Variants in ZNF445 observed in about 807,000 individuals in gnomAD.
ZNF445 encodes zinc finger protein 445.
Under a neutral mutation model 93.9 loss-of-function variants are expected in ZNF445, and 19 were observed. That is an observed-to-expected ratio of 0.20 (90% CI 0.14 to 0.30). The LOEUF (loss-of-function observed/expected upper bound fraction) is 0.30, where lower values mean the gene tolerates loss of function less well. ZNF445 is among the 10% of genes least tolerant of loss of function. ZNF445 has a pLI of 1.00. For synonymous variants in ZNF445, 449 were observed against 446.3 expected (o/e 1.01, Z -0.08); for missense variants, 1,058 against 1,259.4 (o/e 0.84, Z 2.42).
intron 1 of ZNF445, among the ~76,000 whole-genome samples, chr3:44,469,468 TCAGAAA>T (rs1168430267): frequency 1.3e-5 from 2 of 152,004 alleles, no homozygotes. Context: ...ATTCATGCAC[TCAGAAA>T]CAGAACAAAG....
chr3:44,451,499 G>C lies in ZNF445; in HGVS notation c.430-17C>G. On this transcript the variant is annotated splice_polypyrimidine_tract_variant and intron_variant, in intron 3 of 7. Transcript: ENST00000396077. ...GCCCGGGTCCTGGCAAGAAGAAAATGTTGTGAGAGGATCTTTCTGGGAATC... is the reference window on the plus strand; with the variant it reads ...GCCCGGGTCCTGGCAAGAAGAAAATCTTGTGAGAGGATCTTTCTGGGAATC... The C allele has an allele frequency of 1.9e-6, 3 of 1,588,812 alleles. No individual in the cohort carries two copies. Among genetic ancestry groups the C allele is most frequent in the Non-Finnish European group, 2.6e-6 (3 of 1,161,936 alleles).
At chr3:44,453,286 T>C (rs1697981104) in intron 3 of ZNF445, among the ~76,000 whole-genome samples, 1 of 151,940 alleles carries the variant, frequency 6.6e-6, no homozygotes, top group South Asian at 2.1e-4. Flanking sequence ...TATGTCTATA[T>C]ATGTTTTTTT....
At chr3:44,450,679 G>C in intron 5 of ZNF445, 106 bp from the exon 6 acceptor site, 1 of 1,475,546 alleles carries the variant, frequency 6.8e-7, no homozygotes, top group Non-Finnish European at 9.1e-7. Flanking sequence ...GATGGACCTG[G>C]CAAAGGTGAA....
intron 6 of ZNF445, chr3:44,450,198 C>T (rs931610381): frequency 2.7e-5 from 13 of 481,518 alleles, no homozygotes; most frequent in East Asian, 1.2e-4. Context: ...CTGGGCCTCC[C>T]GAAGTGGTGG....
In ZNF445 at chr3:44,448,348, A is replaced by T; in HGVS notation, c.1323T>A (p.Ile441=). 6.2e-7 allele frequency: 1 copy of T among 1,614,148 alleles called. No individual in the cohort carries two copies. Among genetic ancestry groups the T allele is most frequent in the Non-Finnish European group, 8.5e-7 (1 of 1,180,014 alleles). The change falls in exon 8 of 8, where the codon ATT becomes ATA. Residue 441 remains isoleucine (I), a synonymous_variant. Coordinates refer to ENST00000396077, the MANE Select transcript of ZNF445 (RefSeq NM_181489.6). ...KKYGKGLRHM[I]GGFSLHQRIH... is the part of the protein sequence containing the mutation. Reference sequence around the variant, plus strand: ...TTCTCTGATGTAGGCTGAAGCCCCCAATCATGTGTCTGAGCCCCTTCCCAT... The same window carrying T: ...TTCTCTGATGTAGGCTGAAGCCCCCTATCATGTGTCTGAGCCCCTTCCCAT...
At chr3:44,455,752 T>C (rs1260557354) in intron 2 of ZNF445, 56 bp from the exon 3 acceptor site, 6 of 557,190 alleles carry the variant, frequency 1.1e-5, no homozygotes, top group Non-Finnish European at 1.6e-5. Flanking sequence ...AGTTGGATTC[T>C]GCTGGTTGGG....
intron 2 of ZNF445, among the ~76,000 whole-genome samples, chr3:44,457,624 A>G (rs1698048793): frequency 6.6e-6 from 1 of 152,146 alleles, no homozygotes; most frequent in Non-Finnish European, 1.5e-5. Flanking sequence ...TCTTCTCACC[A>G]AATGTTGCTG....
intron 1 of ZNF445, among the ~76,000 whole-genome samples, chr3:44,471,143 ACT>A (rs142493516): frequency 0.011 from 1,731 of 152,254 alleles, 28 homozygotes; most frequent in African/African-American, 0.038. Context: ...GGATCAGCTG[ACT>A]CTGTACAGAT....
chr3:44,456,593 T>C (rs912086868), intron 2 of ZNF445, among the ~76,000 whole-genome samples: 7 of 152,134 alleles, frequency 4.6e-5, no homozygotes, highest in African/African-American at 1.7e-4. Context: ...TGGAATAAAA[T>C]AGAAAAACCA....
Position 44,448,368 on chromosome 3 carries a change from T to G in ZNF445, c.1303A>C (p.Lys435Gln). 6.2e-7 allele frequency: 1 copy of G among 1,614,216 alleles called. No individual in the cohort carries two copies. Among genetic ancestry groups the G allele is most frequent in the Non-Finnish European group, 8.5e-7 (1 of 1,180,034 alleles). Residue 435 changes from lysine (K) to glutamine (Q), a missense_variant, in exon 8 of 8, where the codon AAG becomes CAG. Coordinates refer to ENST00000396077, the MANE Select transcript of ZNF445 (RefSeq NM_181489.6). ...CCCCCAATCATGTGTCTGAGCCCCT[T>G]CCCATATTTCTTGTAGTCATAGTGG... Reference protein sequence around the residue: ...SHHYDYKKYGKGLRHMIGGFS... With the variant: ...SHHYDYKKYGQGLRHMIGGFS...
Position 44,433,059 on chromosome 3 carries a change from C to T in ZNF445, c.*13516G>A, listed in dbSNP as rs66922431. On this transcript the variant is annotated 3_prime_UTR_variant, in exon 8 of 8. Transcript: ENST00000396077. ...AACAAGGAGACGGGAAACTGAAGTA[C>T]CACAGGAAGGAGATACTCTCCATCT... 0.21 allele frequency: 32,050 copies of T among 151,936 alleles called. 3,525 individuals carry two copies. Among genetic ancestry groups the T allele is most frequent in the Middle Eastern group, 0.37 (108 of 292 alleles). 9.4% of individuals were successfully genotyped at this position (151,936 alleles called of 1,614,324 possible). A position where few individuals can be genotyped will look rare whatever the true frequency, so the allele number is the denominator to read the frequency against.
chr3:44,465,603 T>C (rs1488769412), intron 1 of ZNF445, among the ~76,000 whole-genome samples: 1 of 152,184 alleles, frequency 6.6e-6, no homozygotes, highest in South Asian at 2.1e-4. Context: ...GATAGAGATA[T>C]AAACTTTTAT....
intron 1 of ZNF445, among the ~76,000 whole-genome samples, chr3:44,474,837 TAA>T (rs1185113658): frequency 6.6e-6 from 1 of 151,996 alleles, no homozygotes; most frequent in Non-Finnish European, 1.5e-5. Flanking sequence ...TTATTCCAAA[TAA>T]AAAGTTTGCT....
At position 44,444,892 on chromosome 3, in the gene ZNF445, T is replaced by C. The variant is rs1157114767; in HGVS notation, c.*1683A>G. Reference sequence around the variant, plus strand: ...TATAGTCAGGACACTGCTCTACTATTAAAACATTTTATCCTTTCATTCATA... The same window carrying C: ...TATAGTCAGGACACTGCTCTACTATCAAAACATTTTATCCTTTCATTCATA... On this transcript the variant is annotated 3_prime_UTR_variant, in exon 8 of 8. Transcript: ENST00000396077. 2 of 152,244 alleles carry C rather than the reference T, an allele frequency of 1.3e-5. No homozygotes were observed. The highest frequency in any genetic ancestry group is 4.8e-5 in the African/African-American group (2 of 41,468). The allele number at this position is 152,244 out of a possible 1,614,324, so 9.4% of individuals were successfully genotyped here.
chr3:44,456,180 C>T (rs1056005657), intron 2 of ZNF445, among the ~76,000 whole-genome samples: 1 of 152,094 alleles, frequency 6.6e-6, no homozygotes, highest in Non-Finnish European at 1.5e-5. Flanking sequence ...CTTTGGAAAG[C>T]GGAGGTGGGA....
rs754982540 is a variant in ZNF445 at position 44,450,502 on chromosome 3, C to A, written c.765G>T (p.Gln255His). Residue 255 changes from glutamine (Q) to histidine (H), a missense_variant, in exon 6 of 8, where the codon CAG (glutamine) becomes CAT (histidine). Physicochemically the swap from Gln to His is conservative, Grantham distance 24. Transcript: ENST00000396077. ...QDEWGWLDSA[Q>H]RNLYRDVMLE... The stretch of plus-strand genomic sequence containing the variant: ...GCATCACATCCCTGTACAGGTTCCT[C>A]TGAGCAGAGTCCAGCCACCCCCACT... 5.6e-6 allele frequency: 9 copies of A among 1,614,198 alleles called. No homozygotes were observed. The highest frequency in any genetic ancestry group is 1.6e-4 in the Middle Eastern group (1 of 6,062).
chr3:44,455,075 C>A (rs1698009170), intron 3 of ZNF445, 46 bp downstream of exon 3: 1 of 1,612,460 alleles, frequency 6.2e-7, no homozygotes, highest in Middle Eastern at 1.6e-4. Context: ...AGCTGGCTCA[C>A]TAGCAGGCAG....
intron 2 of ZNF445, among the ~76,000 whole-genome samples, chr3:44,458,006 C>T (rs1237793816): frequency 8.2e-6 from 1 of 121,724 alleles, no homozygotes; most frequent in South Asian, 3.7e-4. Flanking sequence ...GAATAAGACT[C>T]CGTCTCAAAA....
At chr3:44,473,648 C>G (rs1440892516) in intron 1 of ZNF445, among the ~76,000 whole-genome samples, 1 of 151,042 alleles carries the variant, frequency 6.6e-6, no homozygotes, top group Admixed American at 6.6e-5. Flanking sequence ...AAACAGGGAT[C>G]CTTGGAGAAG....
Sources: allele counts gnomAD v4.1 joint callset (sites outside exome capture counted in the v4.1 genomes callset), GRCh38; gene constraint gnomAD v4.1.1; transcripts MANE v1.5; gene names NCBI Gene and HGNC (gene_info 2026-07-23, HGNC 2026-07-21).